PLOD3: variants seen among roughly 807,000 people sequenced by gnomAD.
PLOD3 encodes the protein procollagen-lysine,2-oxoglutarate 5-dioxygenase 3, also known as multifunctional procollagen lysine hydroxylase and glycosyltransferase LH3.
Under a neutral mutation model 96.9 loss-of-function variants are expected in PLOD3, and 73 were observed. The ratio of observed to expected loss-of-function variants is 0.75; its 90% confidence interval spans 0.62 to 0.92. The LOEUF (loss-of-function observed/expected upper bound fraction) is 0.92, where lower values mean the gene tolerates loss of function less well. Among genes scored for constraint, PLOD3 ranks in the 40% least tolerant of loss-of-function variants. The probability of loss-of-function intolerance (pLI) is 0.00; values close to 1 mark genes in which losing one functional copy is unlikely to be tolerated. For synonymous variants in PLOD3, 454 were observed against 413.7 expected (o/e 1.10, Z -1.18); for missense variants, 1,004 against 1,004.3 (o/e 1.00, Z 0.00).
At chr7:101,210,802 C>T in intron 12 of PLOD3, 129 bp from the exon 13 acceptor site, 1 of 1,002,704 alleles carries the variant, frequency 1.0e-6, no homozygotes, top group South Asian at 1.5e-5. Context: ...TGTCCCTTGT[C>T]AAGCACTGCT....
At chr7:101,207,751 C>T (rs2116795605) in intron 16 of PLOD3, 27 bp from the exon 17 acceptor site, 1 of 1,612,628 alleles carries the variant, frequency 6.2e-7, no homozygotes, top group Non-Finnish European at 8.5e-7. Context: ...CTGAGCCACC[C>T]GCCCCTCCAG....
chr7:101,212,598 G>T lies in PLOD3; in HGVS notation c.937C>A (p.Arg313Ser). 1 of 1,613,922 alleles carries T rather than the reference G, an allele frequency of 6.2e-7. No homozygotes were observed. Among genetic ancestry groups the T allele is most frequent in the Non-Finnish European group, 8.5e-7 (1 of 1,179,892 alleles). ...AGGAGTAGCAGCCGCTGCAGGAAGC[G>T]GGGCAGAAACGGAGTAGGCTGTTCC... The part of the protein sequence containing the change: ...FVEQPTPFLP[R>S]FLQRLLLLDY... Residue 313 changes from arginine (R) to serine (S), a missense_variant, in exon 9 of 19, where the codon CGC (arginine) becomes AGC (serine). Arg to Ser is a moderately radical substitution (Grantham distance 110). Coordinates refer to ENST00000223127, the MANE Select transcript of PLOD3 (RefSeq NM_001084.5).
At chr7:101,216,954 C>T in intron 1 of PLOD3, 168 bp from the exon 2 acceptor site, 1 of 741,110 alleles carries the variant, frequency 1.3e-6, no homozygotes, top group Non-Finnish European at 2.3e-6. Flanking sequence ...GGGAGTGGTG[C>T]CCAGGAATTC....
Position 101,216,039 on chromosome 7 carries a change from G to A in PLOD3, c.503-19C>T, listed in dbSNP as rs1562895906. On this transcript the variant is annotated intron_variant, in intron 4 of 18. Coordinates refer to ENST00000223127, the MANE Select transcript of PLOD3 (RefSeq NM_001084.5). Reference sequence around the variant, plus strand: ...ATGAATCCTGGCGGGGAGGGGGAGTGTTGACCTCGAGACTCCCAGGGTCCC... The same window carrying A: ...ATGAATCCTGGCGGGGAGGGGGAGTATTGACCTCGAGACTCCCAGGGTCCC... The A allele has an allele frequency of 6.2e-7, 1 of 1,608,656 alleles. No individual in the cohort carries two copies. Among genetic ancestry groups the A allele is most frequent in the Non-Finnish European group, 8.5e-7 (1 of 1,175,072 alleles).
chr7:101,216,324 T>C lies in PLOD3; in HGVS notation c.341A>G (p.Tyr114Cys), dbSNP rs1232670004. ...GGGGCTGCCGGCCAGAATCACGTCG[T>C]AGCTGGGTGAGGAAGGGGAGGATGG... ...EDMIIMFVDS[Y>C]DVILAGSPTE... The change falls in exon 4 of 19, where the codon TAC becomes TGC. Residue 114 changes from tyrosine (Y) to cysteine (C), a missense_variant and splice_region_variant. Tyr to Cys is a radical substitution (Grantham distance 194). Coordinates refer to ENST00000223127, the MANE Select transcript of PLOD3 (RefSeq NM_001084.5). 3 of 1,613,404 alleles carry C rather than the reference T, an allele frequency of 1.9e-6. No individual in the cohort carries two copies. The highest frequency in any genetic ancestry group is 2.5e-6 in the Non-Finnish European group (3 of 1,180,026).
At chr7:101,211,367 G>C in intron 12 of PLOD3, 1 of 553,750 alleles carries the variant, frequency 1.8e-6, no homozygotes, top group Non-Finnish European at 3.2e-6. Flanking sequence ...TTTTTGTAGA[G>C]ATAGGCTCTT....
Position 101,211,634 on chromosome 7 carries a change from C to G in PLOD3, c.1315G>C (p.Ala439Pro), listed in dbSNP as rs138610113. ...AGCTCCACGTAGTCCTCGGAGCGGG[C>G]GTAGTACTCATCGGGGCTCAGGGCG... ...WGALSPDEYY[A>P]RSEDYVELVQ... Residue 439 changes from alanine to proline, a missense_variant, in exon 12 of 19, where the codon GCC (alanine) becomes CCC (proline). This residue lies in a region of PLOD3 where 690 missense variants were observed against 650.2 expected (regional missense o/e 1.06). Transcript: ENST00000223127. The G allele has an allele frequency of 1.2e-6, 2 of 1,606,640 alleles. No individual in the cohort carries two copies. Among genetic ancestry groups the G allele is most frequent in the Non-Finnish European group, 1.7e-6 (2 of 1,177,388 alleles).
chr7:101,207,233 C>A (rs1249756873), intron 17 of PLOD3, among the ~76,000 whole-genome samples: 1 of 152,074 alleles, frequency 6.6e-6, no homozygotes, highest in Non-Finnish European at 1.5e-5. Context: ...ACCTCAGCCT[C>A]GCAAAGTGCT....
chr7:101,206,656 G>T, intron 18 of PLOD3, 123 bp downstream of exon 18: 1 of 1,218,836 alleles, frequency 8.2e-7, no homozygotes, highest in South Asian at 1.3e-5. Flanking sequence ...TCCAGGAGCT[G>T]ATACCCACAA....
At chr7:101,216,966 G>T in intron 1 of PLOD3, 180 bp from the exon 2 acceptor site, 1 of 750,560 alleles carries the variant, frequency 1.3e-6, no homozygotes, top group Non-Finnish European at 2.2e-6. Flanking sequence ...CAGGAATTCC[G>T]AGTCCCTTTG....
rs1798084509 is a variant in PLOD3 at position 101,206,411 on chromosome 7, T to A, written c.2087A>T (p.Tyr696Phe). Reference protein sequence around the residue: ...YEGGGCRFLRYDCVISSPRKG... With the variant: ...YEGGGCRFLRFDCVISSPRKG... The stretch of plus-strand genomic sequence containing the variant: ...CCTCGGGGAGGAGATCACACAGTCG[T>A]AGCGCAGGAAGCGGCAGCCACCTCC... The change falls in exon 19 of 19, where the codon TAC becomes TTC. Residue 696 changes from tyrosine to phenylalanine, a missense_variant. By Grantham distance (22) the Tyr-to-Phe change is conservative. Around this residue, in one of 5 missense-constraint regions of PLOD3, gnomAD observed 222 missense variants for 220.4 expected, o/e 1.01. Transcript: ENST00000223127. The A allele has an allele frequency of 6.2e-7, 1 of 1,612,062 alleles. No homozygotes were observed. The highest frequency in any genetic ancestry group is 1.7e-5 in the Admixed American group (1 of 59,608).
intron 5 of PLOD3, 124 bp downstream of exon 5, chr7:101,215,784 G>C: frequency 1.4e-6 from 1 of 731,660 alleles, no homozygotes; most frequent in Admixed American, 2.0e-5. Context: ...TGACAGGCGT[G>C]AGCCACCACG....
chr7:101,208,814 C>T (rs963908547), intron 16 of PLOD3, 39 bp downstream of exon 16: 1 of 1,310,988 alleles, frequency 7.6e-7, no homozygotes, highest in Non-Finnish European at 1.1e-6. Context: ...GCACCTCCTC[C>T]TCTGGGAAGG....
rs766407240 is a variant in PLOD3, at chr7:101,212,895, C to G, written c.826G>C (p.Glu276Gln). Residue 276 changes from glutamate to glutamine, a missense_variant, in exon 8 of 19, where the codon GAG becomes CAG. Physicochemically the swap from Glu to Gln is conservative, Grantham distance 29. Coordinates refer to ENST00000223127, the MANE Select transcript of PLOD3 (RefSeq NM_001084.5). ...TGGTTGCAGAAGCCACAGCCTCCCT[C>G]AGGAGTCCAGCCATTGGGGACGTAG... ...GNYVPNGWTP[E>Q]GGCGFCNQDR... The G allele has an allele frequency of 9.3e-6, 15 of 1,613,900 alleles. No homozygotes were observed. The highest frequency in any genetic ancestry group is 6.7e-5 in the Admixed American group (4 of 59,988).
chr7:101,213,016 T>C (rs927543739), intron 7 of PLOD3, 73 bp from the exon 8 acceptor site: 1 of 1,113,050 alleles, frequency 9.0e-7, no homozygotes. Flanking sequence ...ACCTCTGATA[T>C]GGGGGCTGGG....
At position 101,206,428 on chromosome 7, in the gene PLOD3, G is replaced by A; in HGVS notation, c.2070C>T (p.Gly690=). 6.2e-7 allele frequency: 1 copy of A among 1,605,620 alleles called. No individual in the cohort carries two copies. Among genetic ancestry groups the A allele is most frequent in the African/African-American group, 1.3e-5 (1 of 74,856 alleles). The part of the protein sequence containing the change: ...NHKGLDYEGG[G]CRFLRYDCVI... ...CACAGTCGTAGCGCAGGAAGCGGCA[G>A]CCACCTCCCTGGAAAGAGAAGGGAA... is the stretch of plus-strand genomic sequence containing the variant. The change falls in exon 19 of 19, where the codon GGC becomes GGT. Residue 690 remains glycine, a synonymous_variant. Transcript: ENST00000223127.
intron 6 of PLOD3, among the ~76,000 whole-genome samples, chr7:101,213,962 G>A (rs912930361): frequency 3.3e-5 from 5 of 151,610 alleles, no homozygotes; most frequent in African/African-American, 9.7e-5. Flanking sequence ...GCCTCCCAAA[G>A]TGCTAGGATT....
intron 7 of PLOD3, 43 bp from the exon 8 acceptor site, chr7:101,212,986 G>A (rs759661455): frequency 1.7e-5 from 25 of 1,466,086 alleles, no homozygotes; most frequent in Non-Finnish European, 2.2e-5. Context: ...GGCCTCCAGG[G>A]GTGGAGGTGG....
Position 101,212,363 on chromosome 7 carries a change from A to G in PLOD3, c.1017T>C (p.His339=), listed in dbSNP as rs766210329. Residue 339 remains histidine, a synonymous_variant, in exon 10 of 19, where the codon CAT becomes CAC. Transcript: ENST00000223127. ...GCCAGGAGTCAGCGATGTGGGGTTCATGGAAGACCTCCTGGGAGGGGAAGA... is the reference window on the plus strand; with the variant it reads ...GCCAGGAGTCAGCGATGTGGGGTTCGTGGAAGACCTCCTGGGAGGGGAAGA... ...TLFLHNNEVF[H]EPHIADSWPQ... is the part of the protein sequence containing the mutation. 3.7e-6 allele frequency: 6 copies of G among 1,613,536 alleles called. No homozygotes were observed. The highest frequency in any genetic ancestry group is 5.1e-6 in the Non-Finnish European group (6 of 1,179,908).
Sources: allele counts gnomAD v4.1 joint callset (sites outside exome capture counted in the v4.1 genomes callset), GRCh38; gene constraint gnomAD v4.1.1; regional missense constraint gnomAD v4.1.1; transcripts MANE v1.5; gene names NCBI Gene and HGNC (gene_info 2026-07-23, HGNC 2026-07-21).